The following KARS1 variants were observed in gnomAD, a reference collection of about 807,000 sequenced individuals.
KARS1 encodes the protein lysyl-tRNA synthetase 1.
A neutral mutation model predicts 63.9 loss-of-function variants in KARS1; 50 were observed. That is an observed-to-expected ratio of 0.78 (90% CI 0.62 to 0.99). The LOEUF (loss-of-function observed/expected upper bound fraction) is 0.99, where lower values mean the gene tolerates loss of function less well. KARS1 is among the 50% of genes least tolerant of loss of function. The pLI, the probability that KARS1 is intolerant of heterozygous loss-of-function variation, is 0.00. For missense variants in KARS1, 816 were observed against 754.5 expected (o/e 1.08, Z -0.95); for synonymous variants, 320 against 264.6 (o/e 1.21, Z -2.03).
rs780462719 is a variant in KARS1, at chr16:75,631,484, T to C, written c.1184A>G (p.Asn395Ser). The part of the protein sequence containing the change: ...VDFTPPFRRI[N>S]MVEELEKALG... The stretch of plus-strand genomic sequence containing the variant: ...GGCTTTCTCAAGCTCTTCTACCATG[T>C]TGATTCGCCGGAAGGGTGGGGTGAA... The change falls in exon 9 of 14, where the codon AAC (asparagine) becomes AGC (serine). Residue 395 changes from asparagine to serine, a missense_variant. Physicochemically the swap from Asn to Ser is conservative, Grantham distance 46 (BLOSUM62 1). Transcript: ENST00000302445. 61 of 1,614,122 alleles carry C rather than the reference T, an allele frequency of 3.8e-5. No individual in the cohort carries two copies. Among genetic ancestry groups the C allele is most frequent in the Non-Finnish European group, 4.7e-5 (56 of 1,180,042 alleles).
chr16:75,630,529 G>C (rs1176831741), intron 10 of KARS1, 21 bp from the exon 11 acceptor site: 5 of 1,486,662 alleles, frequency 3.4e-6, no homozygotes, highest in Non-Finnish European at 4.7e-6. Context: ...AAGCAAAGCA[G>C]AGTCAGTCAC....
At chr16:75,638,888 C>T (rs958227006) in intron 3 of KARS1, among the ~76,000 whole-genome samples, 1 of 152,206 alleles carries the variant, frequency 6.6e-6, no homozygotes, top group African/African-American at 2.4e-5. Flanking sequence ...AAAAGATCTG[C>T]TGGGAGCAGC....
At chr16:75,631,364 G>A (rs2082111076) in intron 9 of KARS1, 52 bp downstream of exon 9, 3 of 1,597,522 alleles carry the variant, frequency 1.9e-6, no homozygotes, top group Admixed American at 3.3e-5. Context: ...CAAATTCAGA[G>A]CTGAACAGGA....
chr16:75,645,292 A>G lies in KARS1; in HGVS notation c.62+2286T>C, dbSNP rs1284227288. Among the ~76,000 whole-genome samples, 3 of 152,254 alleles carry G rather than the reference A, an allele frequency of 2.0e-5. No homozygotes were observed. In the South Asian group the frequency reaches 6.2e-4, roughly 32 times the overall value. The stretch of plus-strand genomic sequence containing the variant: ...GTGAGTAGTGCTGTGCAGTCAGGAT[A>G]CAGAGCATGGACTGTGGAGTCACAG... On this transcript the variant is annotated intron_variant, in intron 1 of 13. Transcript: ENST00000302445.
chr16:75,636,039 A>C lies in KARS1; in HGVS notation c.542T>G (p.Ile181Arg). The change falls in exon 5 of 14, where the codon ATA becomes AGA. Residue 181 changes from isoleucine (I) to arginine (R), a missense_variant. Physicochemically the swap from Ile to Arg is moderately conservative, Grantham distance 97 (BLOSUM62 -3). Transcript: ENST00000302445. ...ACCAGGATTCCCCTGAACTCCAATT[A>C]TGTCTCCCCGACGCAGTTTGTTATT... ...HINNKLRRGD[I>R]IGVQGNPGKT... The C allele has an allele frequency of 6.2e-7, 1 of 1,609,866 alleles. No homozygotes were observed. Among genetic ancestry groups the C allele is most frequent in the Non-Finnish European group, 8.5e-7 (1 of 1,176,176 alleles).
chr16:75,640,506 G>A (rs938629990), intron 2 of KARS1, among the ~76,000 whole-genome samples, 157 bp from the exon 3 acceptor site: 1 of 152,186 alleles, frequency 6.6e-6, no homozygotes, highest in African/African-American at 2.4e-5. Flanking sequence ...TATGGAGTGA[G>A]ATTTGCACTT....
Position 75,629,507 on chromosome 16 carries a change from C to G in KARS1, c.1459G>C (p.Glu487Gln). Residue 487 changes from glutamate to glutamine, a missense_variant, in exon 12 of 14, where the codon GAG becomes CAG. Transcript: ENST00000302445. The stretch of plus-strand genomic sequence containing the variant: ...ATCTCTTTCTTCATGACAAACAGCT[C>G]AAAGCGCTCAGTCAGACCCTCTTTA... Reference protein sequence around the residue: ...RSKEGLTERFELFVMKKEICN... With the variant: ...RSKEGLTERFQLFVMKKEICN... The G allele has an allele frequency of 6.2e-7, 1 of 1,614,180 alleles. No homozygotes were observed. Among genetic ancestry groups the G allele is most frequent in the Non-Finnish European group, 8.5e-7 (1 of 1,180,000 alleles).
intron 7 of KARS1, among the ~76,000 whole-genome samples, chr16:75,632,357 T>A (rs1356932773): frequency 6.6e-6 from 1 of 152,180 alleles, no homozygotes; most frequent in Non-Finnish European, 1.5e-5. Context: ...TTTGGCTGCC[T>A]AGGACTTCTC....
intron 3 of KARS1, among the ~76,000 whole-genome samples, chr16:75,639,263 ATAAC>A (rs2082196668): frequency 6.6e-6 from 1 of 152,046 alleles, no homozygotes; most frequent in African/African-American, 2.4e-5. Context: ...CTGAACTAGA[ATAAC>A]TAACATCAAT....
Position 75,628,719 on chromosome 16 carries a change from G to A in KARS1, c.1552-7C>T. On this transcript the variant is annotated splice_region_variant and splice_polypyrimidine_tract_variant and intron_variant, in intron 12 of 13. Coordinates refer to ENST00000302445, the MANE Select transcript of KARS1 (RefSeq NM_005548.3). ...CATCACCTGCAGCCTTGGCCTAGAAGAGGAAAGAGAACCAAAAGGTGACCT... is the reference window on the plus strand; with the variant it reads ...CATCACCTGCAGCCTTGGCCTAGAAAAGGAAAGAGAACCAAAAGGTGACCT... 1 of 1,614,166 alleles carries A rather than the reference G, an allele frequency of 6.2e-7. No individual in the cohort carries two copies. Among genetic ancestry groups the A allele is most frequent in the Non-Finnish European group, 8.5e-7 (1 of 1,180,000 alleles).
Position 75,634,235 on chromosome 16 carries a change from T to C in KARS1, c.853A>G (p.Thr285Ala), listed in dbSNP as rs1017048975. The change falls in exon 7 of 14, where the codon ACT becomes GCT. Residue 285 changes from threonine (T) to alanine (A), a missense_variant. Thr to Ala is a moderately conservative substitution (Grantham distance 58, BLOSUM62 0). Transcript: ENST00000302445. ...PGGAVAKPFI[T>A]YHNELDMNLY... ...TTCATGTCCAGCTCGTTGTGATAAG[T>C]GATGAAAGGCTTGGCCACGGCTCCC... 1.6e-5 allele frequency: 26 copies of C among 1,614,012 alleles called. No individual in the cohort carries two copies. Among genetic ancestry groups the C allele is most frequent in the Non-Finnish European group, 2.2e-5 (26 of 1,179,882 alleles).
chr16:75,646,851 C>T (rs907864409), intron 1 of KARS1, among the ~76,000 whole-genome samples: 3 of 152,028 alleles, frequency 2.0e-5, no homozygotes, highest in Admixed American at 2.0e-4. Flanking sequence ...GTACCATCTT[C>T]CTAGCAATGA....
At chr16:75,641,747 A>G in intron 1 of KARS1, 24 bp from the exon 2 acceptor site, 1 of 1,612,840 alleles carries the variant, frequency 6.2e-7, no homozygotes, top group Non-Finnish European at 8.5e-7. Flanking sequence ...GAAAGCGTTC[A>G]ATGTGTTAGC....
chr16:75,639,966 G>A, intron 3 of KARS1: 1 of 578,744 alleles, frequency 1.7e-6, no homozygotes, highest in Non-Finnish European at 3.1e-6. Context: ...TATAGAGAAA[G>A]CCCCTCTCTT....
At chr16:75,629,744 C>A (rs551372141) in intron 11 of KARS1, among the ~76,000 whole-genome samples, 5 of 152,350 alleles carry the variant, frequency 3.3e-5, no homozygotes, top group African/African-American at 1.2e-4. Context: ...ATCACAGGCC[C>A]ATGCCACTAT....
At position 75,640,212 on chromosome 16, in the gene KARS1, G is replaced by A. The variant is rs149741323; in HGVS notation, c.360C>T (p.His120=). ...CCACCTTTAAGGTGATGTCAGTCAGGTGATCCCCAGGCTGCAGGTGACTAT... is the reference window on the plus strand; with the variant it reads ...CCACCTTTAAGGTGATGTCAGTCAGATGATCCCCAGGCTGCAGGTGACTAT... The part of the protein sequence containing the change: ...QKYSHLQPGD[H]LTDITLKVAG... Residue 120 remains histidine (H), a synonymous_variant, in exon 3 of 14, where the codon CAC becomes CAT. Coordinates refer to ENST00000302445, the MANE Select transcript of KARS1 (RefSeq NM_005548.3). 8.7e-6 allele frequency: 14 copies of A among 1,614,010 alleles called. No homozygotes were observed. The highest frequency in any genetic ancestry group is 2.7e-5 in the African/African-American group (2 of 74,910).
intron 7 of KARS1, 91 bp downstream of exon 7, chr16:75,634,082 T>C: frequency 2.2e-6 from 3 of 1,393,932 alleles, no homozygotes; most frequent in Non-Finnish European, 3.0e-6. Context: ...TTACTCTCTC[T>C]GTTCCTCTTA....
intron 1 of KARS1, among the ~76,000 whole-genome samples, chr16:75,642,150 T>TC (rs1381657629): frequency 2.0e-5 from 3 of 148,526 alleles, no homozygotes; most frequent in East Asian, 4.3e-4. Flanking sequence ...TTGTTTAGTA[T>TC]CCCCCTAGAA....
chr16:75,639,230 A>G (rs945652958), intron 3 of KARS1, among the ~76,000 whole-genome samples: 1 of 152,202 alleles, frequency 6.6e-6, no homozygotes, highest in Non-Finnish European at 1.5e-5. Context: ...AAGATCTCAG[A>G]GCACACTGTG....
Sources: gnomAD v4.1 joint callset for allele counts (sites outside exome capture counted in the v4.1 genomes callset) on GRCh38, gnomAD v4.1.1 for gene constraint, MANE v1.5 for transcripts, NCBI Gene and HGNC (gene_info 2026-07-23, HGNC 2026-07-21) for gene names.